STPG2: variants seen among roughly 807,000 people sequenced by gnomAD.
The protein encoded by STPG2 is sperm tail PG-rich repeat containing 2, also known as sperm-tail PG-rich repeat-containing protein 2.
Under a neutral mutation model 54.2 loss-of-function variants are expected in STPG2, and 56 were observed. That is an observed-to-expected ratio of 1.03 (90% confidence interval 0.83 to 1.29). STPG2 has a LOEUF of 1.29. Ranked by LOEUF, STPG2 falls within the 50% of genes most tolerant of loss-of-function variation. The pLI is 0.00. For synonymous variants in STPG2, 200 were observed against 181.8 expected, an observed-to-expected ratio of 1.10 and a Z score of -0.81; for missense variants, 596 against 544.9, an observed-to-expected ratio of 1.09 and a Z score of -0.93.
chr4:97,947,722 G>T (rs936249196), intron 7 of STPG2, among the ~76,000 whole-genome samples: 2 of 151,978 alleles, frequency 1.3e-5, no homozygotes, highest in Admixed American at 6.6e-5. Flanking sequence ...ACATGCTTAT[G>T]TTAAACCATC....
At chr4:97,955,210 A>G (rs1249012183) in intron 7 of STPG2, among the ~76,000 whole-genome samples, 1 of 142,156 alleles carries the variant, frequency 7.0e-6, no homozygotes, top group Non-Finnish European at 1.5e-5. Flanking sequence ...GTAATACAGA[A>G]GAATTTTTTT....
At chr4:97,907,368 A>G (rs1208825882) in intron 8 of STPG2, among the ~76,000 whole-genome samples, 2 of 152,184 alleles carry the variant, frequency 1.3e-5, no homozygotes, top group African/African-American at 2.4e-5. Context: ...AAATAAAAGA[A>G]GATACAAACA....
At chr4:97,845,011 G>A (rs1250106711) in intron 8 of STPG2, among the ~76,000 whole-genome samples, 5 of 151,170 alleles carry the variant, frequency 3.3e-5, no homozygotes, top group Admixed American at 3.3e-4. Flanking sequence ...AATTATTTTT[G>A]TTCTTTTGTT....
intron 1 of STPG2, among the ~76,000 whole-genome samples, chr4:98,139,397 T>C (rs1230622417): frequency 6.6e-6 from 1 of 152,174 alleles, no homozygotes; most frequent in Non-Finnish European, 1.5e-5. Flanking sequence ...TAAGGTCTTT[T>C]CCTCTTGTGA....
At chr4:98,036,618 G>A (rs1235300332) in intron 5 of STPG2, among the ~76,000 whole-genome samples, 1 of 151,688 alleles carries the variant, frequency 6.6e-6, no homozygotes, top group Admixed American at 6.6e-5. Context: ...AGAACACATG[G>A]ACACCGAGAG....
intron 8 of STPG2, among the ~76,000 whole-genome samples, chr4:97,901,734 C>T (rs1731184462): frequency 2.0e-5 from 3 of 151,670 alleles, no homozygotes; most frequent in South Asian, 2.1e-4. Context: ...ACTGTCAAAA[C>T]ATTACTGAAA....
At chr4:97,566,147 C>A (rs1732431845) in intron 10 of STPG2, among the ~76,000 whole-genome samples, 1 of 152,100 alleles carries the variant, frequency 6.6e-6, no homozygotes, top group Non-Finnish European at 1.5e-5. Flanking sequence ...ATGGCGGGTG[C>A]CTCTCCCCCA....
intron 10 of STPG2, among the ~76,000 whole-genome samples, chr4:97,646,050 A>C (rs1166966543): frequency 6.6e-6 from 1 of 152,070 alleles, no homozygotes; most frequent in Non-Finnish European, 1.5e-5. Context: ...ATTCTTTCCA[A>C]CTAGAGAAGA....
intron 10 of STPG2, among the ~76,000 whole-genome samples, chr4:97,705,252 T>C (rs1723902978): frequency 6.6e-6 from 1 of 152,146 alleles, no homozygotes; most frequent in South Asian, 2.1e-4. Flanking sequence ...CTTGTCTAAG[T>C]AAAAAACTCC....
rs559381522 is a variant in STPG2, at chr4:97,698,651, C to T, written c.1320+14048G>A. On this transcript the variant is annotated intron_variant, in intron 10 of 10. Transcript: ENST00000295268. ...CCACTTCCACCCCTTGATTCCTGGC[C>T]CTGTGAATCCTGGCTATGGGAGAAA... Among the ~76,000 whole-genome samples, 4 of 152,152 alleles carry T rather than the reference C, an allele frequency of 2.6e-5. No homozygotes were observed. The East Asian group carries it at 5.8e-4, about 22-fold the overall frequency.
intron 10 of STPG2, among the ~76,000 whole-genome samples, chr4:97,608,706 T>C (rs999981403): frequency 1.1e-4 from 17 of 152,084 alleles, no homozygotes; most frequent in African/African-American, 3.9e-4. Flanking sequence ...CACTCTCAGT[T>C]TTGTATTTAA....
intron 5 of STPG2, among the ~76,000 whole-genome samples, chr4:97,988,053 C>CACAA (rs1419076534): frequency 6.6e-6 from 1 of 151,668 alleles, no homozygotes; most frequent in African/African-American, 2.4e-5. Flanking sequence ...CACACACACA[C>CACAA]ACACACACAC....
chr4:97,845,019 G>T (rs1728907290), intron 8 of STPG2, among the ~76,000 whole-genome samples: 1 of 151,026 alleles, frequency 6.6e-6, no homozygotes, highest in African/African-American at 2.4e-5. Context: ...TTGTTCTTTT[G>T]TTTCTTTGCT....
At chr4:97,569,067 T>C (rs1367588677) in intron 10 of STPG2, among the ~76,000 whole-genome samples, 8 of 152,138 alleles carry the variant, frequency 5.3e-5, no homozygotes, top group Admixed American at 5.2e-4. Flanking sequence ...GGCTATTCCA[T>C]AGGCAGAGCA....
At chr4:97,839,255 G>T (rs1158344305) in intron 9 of STPG2, among the ~76,000 whole-genome samples, 1 of 151,520 alleles carries the variant, frequency 6.6e-6, no homozygotes, top group Non-Finnish European at 1.5e-5. Context: ...AGGCAAGTAG[G>T]TGGCAAATAT....
At position 97,517,655 on chromosome 4, in the gene STPG2, T is replaced by C. The variant is rs150592255; in HGVS notation, c.462+195044A>G. 1.8e-3 allele frequency among the ~76,000 whole-genome samples: 274 copies of C among 152,250 alleles called. 4 individuals carry two copies. In the East Asian group the frequency reaches 0.033, roughly 18 times the overall value. On this transcript the variant is annotated intron_variant, in intron 4 of 4. Coordinates refer to the STPG2 transcript ENST00000522676. ...ATTTTATTTATTACATTATTTATCA[T>C]AAATTTCTATTTATAAAGTTTCCTT...
intron 8 of STPG2, among the ~76,000 whole-genome samples, chr4:97,868,065 C>T (rs1729857168): frequency 6.6e-6 from 1 of 151,906 alleles, no homozygotes; most frequent in South Asian, 2.1e-4. Flanking sequence ...TTTTTAAAAA[C>T]ATTATTACTA....
intron 9 of STPG2, 23 bp from the exon 10 acceptor site, chr4:97,712,837 A>T: frequency 1.3e-6 from 2 of 1,485,050 alleles, no homozygotes. Flanking sequence ...AAATGTAAAA[A>T]TTATGATAAA....
intron 8 of STPG2, among the ~76,000 whole-genome samples, chr4:97,870,702 G>A (rs901682469): frequency 1.3e-5 from 2 of 151,248 alleles, no homozygotes; most frequent in Non-Finnish European, 3.0e-5. Context: ...GAGAATAATA[G>A]GTAGAAGCAT....
Sources: allele counts gnomAD v4.1 joint callset (sites outside exome capture counted in the v4.1 genomes callset), GRCh38; gene constraint gnomAD v4.1.1; transcripts MANE v1.5; gene names NCBI Gene and HGNC (gene_info 2026-07-23, HGNC 2026-07-21).